SLC25A37: variants seen among roughly 807,000 people sequenced by gnomAD.
SLC25A37 encodes solute carrier family 25 member 37, also known as mitoferrin-1.
Under a neutral mutation model 31.0 loss-of-function variants are expected in SLC25A37, and 17 were observed. The observed-to-expected ratio is 0.55, with a 90% CI of 0.38 to 0.82. The LOEUF is 0.82. Ranked by LOEUF, SLC25A37 falls within the 40% of genes least tolerant of loss-of-function variation. The probability of loss-of-function intolerance (pLI) is 0.00; values close to 1 mark genes in which losing one functional copy is unlikely to be tolerated. For missense variants in SLC25A37, 404 were observed against 465.8 expected, an observed-to-expected ratio of 0.87 and a Z score of 1.22; for synonymous variants, 222 against 193.0, an observed-to-expected ratio of 1.15 and a Z score of -1.24.
chr8:23,556,632 ATATGTGTG>A (rs1563261399), intron 1 of SLC25A37, among the ~76,000 whole-genome samples: 1 of 151,860 alleles, frequency 6.6e-6, no homozygotes, highest in African/African-American at 2.4e-5. Flanking sequence ...ATGTGTGTAT[ATATGTGTG>A]TGTGTGTATG....
At chr8:23,534,612 A>G (rs1240269484) in intron 1 of SLC25A37, among the ~76,000 whole-genome samples, 1 of 152,084 alleles carries the variant, frequency 6.6e-6, no homozygotes, top group Non-Finnish European at 1.5e-5. Flanking sequence ...TCCTCTTGCT[A>G]AGGGTTGGGA....
At chr8:23,538,135 C>T (rs1445906564) in intron 1 of SLC25A37, among the ~76,000 whole-genome samples, 1 of 151,358 alleles carries the variant, frequency 6.6e-6, no homozygotes, top group Non-Finnish European at 1.5e-5. Context: ...AATCCCAGCA[C>T]TTTGGGAGGC....
At chr8:23,548,165 C>A (rs1802118597) in intron 1 of SLC25A37, among the ~76,000 whole-genome samples, 1 of 152,130 alleles carries the variant, frequency 6.6e-6, no homozygotes. Flanking sequence ...ATATTCACTT[C>A]ATTTCTTCTC....
At chr8:23,544,677 A>G (rs1801989414) in intron 1 of SLC25A37, among the ~76,000 whole-genome samples, 3 of 152,308 alleles carry the variant, frequency 2.0e-5, no homozygotes, top group African/African-American at 4.8e-5. Context: ...GGATGTTACA[A>G]CTAAACTGTA....
chr8:23,571,889 T>C lies in SLC25A37; in HGVS notation c.*34T>C. The C allele has an allele frequency of 6.3e-7, 1 of 1,596,108 alleles. No homozygotes were observed. The highest frequency in any genetic ancestry group is 8.6e-7 in the Non-Finnish European group (1 of 1,168,398). On this transcript the variant is annotated 3_prime_UTR_variant, in exon 4 of 4. Transcript: ENST00000519973. Reference sequence around the variant, plus strand: ...ATCATAGAATCTTTTCTTAAAGTCATTCTCTGCCTGCATCCAGCCCCTTGC... The same window carrying C: ...ATCATAGAATCTTTTCTTAAAGTCACTCTCTGCCTGCATCCAGCCCCTTGC...
At chr8:23,557,899 C>T (rs1037427555) in intron 1 of SLC25A37, among the ~76,000 whole-genome samples, 7 of 152,174 alleles carry the variant, frequency 4.6e-5, no homozygotes, top group East Asian at 3.8e-4. Context: ...TCGAGGTGCC[C>T]GAGCCTTATT....
chr8:23,569,134 C>T (rs180772526), intron 3 of SLC25A37, among the ~76,000 whole-genome samples: 76 of 151,984 alleles, frequency 5.0e-4, no homozygotes, highest in African/African-American at 1.8e-3. Flanking sequence ...TGTGGTGGTG[C>T]ATGCCTGTAG....
chr8:23,537,386 A>G (rs1442281578), intron 1 of SLC25A37, among the ~76,000 whole-genome samples: 1 of 152,100 alleles, frequency 6.6e-6, no homozygotes, highest in South Asian at 2.1e-4. Flanking sequence ...CCCTCATCAG[A>G]ATGTAGGCCC....
At chr8:23,549,816 A>G (rs1051455656) in intron 1 of SLC25A37, among the ~76,000 whole-genome samples, 1 of 113,822 alleles carries the variant, frequency 8.8e-6, no homozygotes, top group Non-Finnish European at 1.6e-5. Flanking sequence ...CCCAGCTTTG[A>G]TGGGGCTTAC....
intron 1 of SLC25A37, chr8:23,541,952 T>C (rs1801904518): frequency 1.3e-5 from 2 of 152,422 alleles, no homozygotes; most frequent in African/African-American, 4.8e-5. Flanking sequence ...CACCCGCCTC[T>C]GTGGTTCGTT....
intron 1 of SLC25A37, among the ~76,000 whole-genome samples, chr8:23,534,316 C>T (rs1801721290): frequency 1.3e-5 from 2 of 152,166 alleles, no homozygotes; most frequent in Non-Finnish European, 2.9e-5. Flanking sequence ...CAAGTTCCTA[C>T]TGAGATGGAT....
intron 1 of SLC25A37, among the ~76,000 whole-genome samples, chr8:23,530,790 G>C (rs1053737760): frequency 2.6e-5 from 4 of 152,182 alleles, no homozygotes; most frequent in Non-Finnish European, 5.9e-5. Context: ...TTCTATTCGG[G>C]AACCCCACAG....
intron 1 of SLC25A37, among the ~76,000 whole-genome samples, chr8:23,532,828 G>C (rs1309124541): frequency 6.6e-6 from 1 of 152,220 alleles, no homozygotes; most frequent in Non-Finnish European, 1.5e-5. Flanking sequence ...TTTTCTCCTG[G>C]CTGCAGGCAG....
rs60130811 is a variant in SLC25A37 at position 23,551,582 on chromosome 8, G to GA, written c.211-14514dup. Among the ~76,000 whole-genome samples, 914 of 141,436 alleles carry GA rather than the reference G, an allele frequency of 6.5e-3. 9 individuals are homozygous for GA. Among genetic ancestry groups the GA allele is most frequent in the African/African-American group, 0.021 (811 of 38,766 alleles). 92.8% of individuals were successfully genotyped at this position (141,436 alleles called of 152,430 possible). A position where few individuals can be genotyped will look rare whatever the true frequency, so the allele number is the denominator to read the frequency against. The stretch of plus-strand genomic sequence containing the variant: ...CGTCTTTTTTGCTGTTTATCCAAAG[G>GA]AAAAAAAAAAAAGCAGAAATAAAAG... On this transcript the variant is annotated intron_variant, in intron 1 of 3. Transcript: ENST00000519973.
intron 1 of SLC25A37, among the ~76,000 whole-genome samples, chr8:23,562,873 C>T (rs1802552843): frequency 1.3e-5 from 2 of 152,120 alleles, no homozygotes; most frequent in African/African-American, 4.8e-5. Flanking sequence ...CACATTGTAC[C>T]ACCTGGTACC....
At chr8:23,547,309 G>A (rs887015638) in intron 1 of SLC25A37, among the ~76,000 whole-genome samples, 3 of 152,148 alleles carry the variant, frequency 2.0e-5, no homozygotes, top group African/African-American at 7.2e-5. Flanking sequence ...GGCAGGGAAG[G>A]AAAGGACTAG....
At chr8:23,568,651 A>G (rs1028718959) in intron 3 of SLC25A37, 1 of 454,688 alleles carries the variant, frequency 2.2e-6, no homozygotes. Context: ...TGGAAATGCT[A>G]ATTCTGAGGC....
Position 23,571,941 on chromosome 8 carries a change from T to C in SLC25A37, c.*86T>C. The C allele has an allele frequency of 6.7e-7, 1 of 1,483,604 alleles. No individual in the cohort carries two copies. Among genetic ancestry groups the C allele is most frequent in the Non-Finnish European group, 9.1e-7 (1 of 1,098,412 alleles). 91.9% of individuals were successfully genotyped at this position (1,483,604 alleles called of 1,614,324 possible). ...CTCTCCTCACACGTAGATCATTTTT[T>C]TTTTGCAGGGTGCTGCCTATGGGCC... is the stretch of plus-strand genomic sequence containing the variant. On this transcript the variant is annotated 3_prime_UTR_variant, in exon 4 of 4. Transcript: ENST00000519973.
chr8:23,537,195 C>A (rs74925287), intron 1 of SLC25A37, among the ~76,000 whole-genome samples: 86 of 117,168 alleles, frequency 7.3e-4, no homozygotes, highest in Middle Eastern at 4.6e-3. Flanking sequence ...GACCCTGTCT[C>A]AAAAAAAAAA....
Sources: gnomAD v4.1 joint callset for allele counts (sites outside exome capture counted in the v4.1 genomes callset) on GRCh38, gnomAD v4.1.1 for gene constraint, MANE v1.5 for transcripts, NCBI Gene and HGNC (gene_info 2026-07-23, HGNC 2026-07-21) for gene names.